Variants in GALNT1 observed in about 807,000 individuals in gnomAD.
GALNT1 encodes the protein polypeptide N-acetylgalactosaminyltransferase 1.
GALNT1 carries 17 observed loss-of-function variants against 65.7 expected under a neutral mutation model. That is an observed-to-expected ratio of 0.26 (90% CI 0.18 to 0.39). The LOEUF is 0.39. Among genes scored for constraint, GALNT1 ranks in the 10% least tolerant of loss-of-function variants. The pLI, the probability that GALNT1 is intolerant of heterozygous loss-of-function variation, is 1.00. For missense variants in GALNT1, 460 were observed against 672.8 expected (o/e 0.68, Z 3.50); for synonymous variants, 210 against 219.7 (o/e 0.96, Z 0.39).
chr18:35,595,499 T>C (rs943768139), intron 1 of GALNT1, among the ~76,000 whole-genome samples: 2 of 152,198 alleles, frequency 1.3e-5, no homozygotes, highest in Non-Finnish European at 2.9e-5. Context: ...AGAGCATTGA[T>C]TTGTTTAGTA....
intron 1 of GALNT1, among the ~76,000 whole-genome samples, chr18:35,592,445 T>C (rs986024400): frequency 3.3e-5 from 5 of 152,116 alleles, no homozygotes; most frequent in African/African-American, 1.2e-4. Flanking sequence ...ACAGAGACTG[T>C]GTAGCAAAGA....
At chr18:35,638,471 C>G (rs2047121016) in intron 1 of GALNT1, among the ~76,000 whole-genome samples, 1 of 152,040 alleles carries the variant, frequency 6.6e-6, no homozygotes, top group Non-Finnish European at 1.5e-5. Context: ...CCACCCCACA[C>G]ACACACACAG....
chr18:35,612,225 A>G (rs1440350746), intron 1 of GALNT1, among the ~76,000 whole-genome samples: 1 of 152,198 alleles, frequency 6.6e-6, no homozygotes, highest in Non-Finnish European at 1.5e-5. Context: ...TTCACACATG[A>G]TTCTTATGAA....
intron 1 of GALNT1, among the ~76,000 whole-genome samples, chr18:35,647,920 G>A (rs2047252348): frequency 6.6e-6 from 1 of 151,928 alleles, no homozygotes; most frequent in South Asian, 2.1e-4. Context: ...GGTGGTGCGT[G>A]CCTGTAATCC....
chr18:35,692,385 A>G, intron 9 of GALNT1, 65 bp downstream of exon 9: 1 of 1,056,930 alleles, frequency 9.5e-7, no homozygotes, highest in East Asian at 3.1e-5. Context: ...TTAAAAAAAA[A>G]TAGGAGTTAG....
chr18:35,679,228 C>G (rs551608202), intron 4 of GALNT1, among the ~76,000 whole-genome samples: 13 of 152,160 alleles, frequency 8.5e-5, no homozygotes, highest in Non-Finnish European at 1.5e-4. Flanking sequence ...ATTTATCCTG[C>G]AAATGACTTG....
chr18:35,617,310 AC>A (rs2046796362), intron 1 of GALNT1, among the ~76,000 whole-genome samples: 1 of 152,168 alleles, frequency 6.6e-6, no homozygotes, highest in South Asian at 2.1e-4. Context: ...ACAAATGTCT[AC>A]TATATGCCTT....
chr18:35,628,136 T>C (rs540420157), intron 1 of GALNT1, among the ~76,000 whole-genome samples: 5 of 152,254 alleles, frequency 3.3e-5, no homozygotes, highest in African/African-American at 9.6e-5. Flanking sequence ...TCTCCACCTC[T>C]GGGGGCAGGG....
intron 1 of GALNT1, among the ~76,000 whole-genome samples, chr18:35,647,992 G>C (rs1454033383): frequency 6.6e-6 from 1 of 151,122 alleles, no homozygotes; most frequent in Non-Finnish European, 1.5e-5. Context: ...GACCAGCCTG[G>C]GTACAAAGTG....
intron 1 of GALNT1, among the ~76,000 whole-genome samples, chr18:35,613,473 A>G (rs911830062): frequency 2.6e-5 from 4 of 152,220 alleles, no homozygotes; most frequent in African/African-American, 7.2e-5. Flanking sequence ...CCAGAGGCCC[A>G]GAACAAGAAA....
At chr18:35,592,284 T>C (rs1054876201) in intron 1 of GALNT1, among the ~76,000 whole-genome samples, 2 of 152,174 alleles carry the variant, frequency 1.3e-5, no homozygotes, top group African/African-American at 4.8e-5. Flanking sequence ...CTGTCTTTGT[T>C]GATCATACAA....
chr18:35,630,168 T>C (rs1463970600), intron 1 of GALNT1, among the ~76,000 whole-genome samples: 11 of 152,056 alleles, frequency 7.2e-5, no homozygotes, highest in Non-Finnish European at 1.6e-4. Context: ...AACAAGGATA[T>C]CCAGGAATTG....
chr18:35,617,447 CTTT>C (rs1360668112), intron 1 of GALNT1, among the ~76,000 whole-genome samples: 19 of 152,170 alleles, frequency 1.2e-4, no homozygotes, highest in African/African-American at 4.3e-4. Context: ...AAAGTTACTT[CTTT>C]GTTTTAACAT....
Position 35,709,798 on chromosome 18 carries a change from A to G in GALNT1, c.*28A>G. The G allele has an allele frequency of 1.9e-6, 3 of 1,612,750 alleles. No homozygotes were observed. The highest frequency in any genetic ancestry group is 2.5e-6 in the Non-Finnish European group (3 of 1,179,266). On this transcript the variant is annotated 3_prime_UTR_variant, in exon 12 of 12. Coordinates refer to ENST00000269195, the MANE Select transcript of GALNT1 (RefSeq NM_020474.4). Reference sequence around the variant, plus strand: ...CCAAATTTACAAAAAAACGAAAAAAATAAGGATTGACTGGGCTACCTCAGC... The same window carrying G: ...CCAAATTTACAAAAAAACGAAAAAAGTAAGGATTGACTGGGCTACCTCAGC...
chr18:35,597,334 G>C lies in GALNT1; in HGVS notation c.-104+15472G>C, dbSNP rs893233882. ...TCATATGGAGTTACATTCTCACTGG[G>C]ATTATACAAGGGCAGGTAATTCTCC... On this transcript the variant is annotated intron_variant, in intron 1 of 11. Coordinates refer to ENST00000269195, the MANE Select transcript of GALNT1 (RefSeq NM_020474.4). 2 of 152,196 alleles carry C rather than the reference G, an allele frequency of 1.3e-5. 1 individual carries two copies. The highest frequency in any genetic ancestry group is 1.3e-4 in the Admixed American group (2 of 15,282). The allele number at this position is 152,196 out of a possible 1,614,324, so 9.4% of individuals were successfully genotyped here. A position where few individuals can be genotyped will look rare whatever the true frequency, so the allele number is the denominator to read the frequency against.
At chr18:35,625,935 A>G (rs899390874) in intron 1 of GALNT1, among the ~76,000 whole-genome samples, 15 of 152,254 alleles carry the variant, frequency 9.9e-5, no homozygotes, top group East Asian at 5.8e-4. Context: ...TTAGCATGAT[A>G]GTTAAGATTT....
chr18:35,604,678 A>AT lies in GALNT1; in HGVS notation c.-104+22822dup, dbSNP rs527918184. On this transcript the variant is annotated intron_variant, in intron 1 of 11. Coordinates refer to ENST00000269195, the MANE Select transcript of GALNT1 (RefSeq NM_020474.4). ...TCTCTAATGATTAGAGATGTTGAAC[A>AT]TTTTTTCATATGCTTATTGGCCGTG... Among the ~76,000 whole-genome samples the AT allele has an allele frequency of 5.2e-3, 790 of 152,152 alleles. 6 individuals carry two copies. The highest frequency in any genetic ancestry group is 7.7e-3 in the Non-Finnish European group (523 of 68,004).
chr18:35,613,535 G>T (rs565827547), intron 1 of GALNT1, among the ~76,000 whole-genome samples: 1 of 152,112 alleles, frequency 6.6e-6, no homozygotes, highest in Non-Finnish European at 1.5e-5. Flanking sequence ...CGTGCTGAGG[G>T]TTCTGGTATT....
chr18:35,711,292 CT>C lies in GALNT1; in HGVS notation c.*1525del, dbSNP rs2048347213. On this transcript the variant is annotated 3_prime_UTR_variant, in exon 12 of 12. Transcript: ENST00000269195. ...AAATTATATTTAATGGAATTCTTTT[CT>C]TTGATTATCAAGGACTTTCACTGCA... The C allele has an allele frequency of 6.6e-6, 1 of 152,512 alleles. No individual in the cohort carries two copies. Among genetic ancestry groups the C allele is most frequent in the Admixed American group, 6.5e-5 (1 of 15,276 alleles). The allele number at this position is 152,512 out of a possible 1,614,324, so 9.4% of individuals were successfully genotyped here.
Sources: gnomAD v4.1 joint callset for allele counts (sites outside exome capture counted in the v4.1 genomes callset) on GRCh38, gnomAD v4.1.1 for gene constraint, MANE v1.5 for transcripts, NCBI Gene and HGNC (gene_info 2026-07-23, HGNC 2026-07-21) for gene names.